SUPT3H: variants seen among roughly 807,000 people sequenced by gnomAD.
SUPT3H encodes transcription initiation protein SPT3 homolog.
In SUPT3H, 44 loss-of-function variants were observed where a neutral mutation model predicts 44.3. The observed-to-expected ratio is 0.99, with a 90% CI of 0.78 to 1.28. The LOEUF (loss-of-function observed/expected upper bound fraction) is 1.28. Among genes scored for constraint, SUPT3H ranks in the 50% most tolerant of loss-of-function variants. The pLI, the probability that SUPT3H is intolerant of heterozygous loss-of-function variation, is 0.00. For missense variants in SUPT3H, 380 were observed against 387.1 expected (o/e 0.98, Z 0.15); for synonymous variants, 124 against 125.6 (o/e 0.99, Z 0.09).
chr6:45,229,509 A>G (rs1767566017), intron 2 of SUPT3H, among the ~76,000 whole-genome samples: 1 of 152,196 alleles, frequency 6.6e-6, no homozygotes, highest in African/African-American at 2.4e-5. Context: ...CATTCCAGAC[A>G]TAGATGGTGT....
intron 3 of SUPT3H, among the ~76,000 whole-genome samples, chr6:45,094,857 T>C (rs1484439483): frequency 6.6e-6 from 1 of 152,036 alleles, no homozygotes; most frequent in Non-Finnish European, 1.5e-5. Flanking sequence ...CATTTTTACT[T>C]AAGAAGTAAA....
intron 2 of SUPT3H, among the ~76,000 whole-genome samples, chr6:45,269,302 C>T (rs916059458): frequency 1.3e-5 from 2 of 152,088 alleles, no homozygotes; most frequent in Non-Finnish European, 2.9e-5. Flanking sequence ...ACAAATAATA[C>T]CACATTCCTC....
At position 45,320,518 on chromosome 6, in the gene SUPT3H, A is replaced by G. The variant is rs541153735; in HGVS notation, c.101+44683T>C. Among the ~76,000 whole-genome samples, 6 of 151,444 alleles carry G rather than the reference A, an allele frequency of 4.0e-5. 1 individual carries two copies. In the East Asian group the frequency reaches 9.7e-4, roughly 25 times the overall value. The stretch of plus-strand genomic sequence containing the variant: ...GGTCTCGAACTCCTGGGGACAAGTG[A>G]TCCTCCCACCTCAGCCTCCCAAAAT... On this transcript the variant is annotated intron_variant, in intron 2 of 10. Transcript: ENST00000371459.
At chr6:45,349,124 G>T (rs990822864) in intron 2 of SUPT3H, among the ~76,000 whole-genome samples, 4 of 152,104 alleles carry the variant, frequency 2.6e-5, no homozygotes, top group East Asian at 1.9e-4. Context: ...TACAAATGGG[G>T]TATTTAAATT....
At chr6:45,287,879 C>G (rs555172377) in intron 2 of SUPT3H, among the ~76,000 whole-genome samples, 1 of 152,158 alleles carries the variant, frequency 6.6e-6, no homozygotes, top group South Asian at 2.1e-4. Flanking sequence ...CTTAAAGCAA[C>G]TTACCACACT....
At chr6:44,811,829 GTTCT>G (rs1161093194) in intron 11 of SUPT3H, among the ~76,000 whole-genome samples, 1 of 151,268 alleles carries the variant, frequency 6.6e-6, no homozygotes, top group Non-Finnish European at 1.5e-5. Flanking sequence ...GCACTTGGTT[GTTCT>G]TTGTTTCTCA....
At position 45,128,533 on chromosome 6, in the gene SUPT3H, A is replaced by AATATAT. The variant is rs1554257895; in HGVS notation, c.102-22533_102-22528dup. 6.1e-3 allele frequency among the ~76,000 whole-genome samples: 319 copies of AATATAT among 52,068 alleles called. 1 individual carries two copies. Among genetic ancestry groups the AATATAT allele is most frequent in the East Asian group, 8.8e-3 (8 of 908 alleles). The allele number at this position is 52,068 out of a possible 152,430, so 34.2% of individuals were successfully genotyped here. On this transcript the variant is annotated intron_variant, in intron 2 of 10. Transcript: ENST00000371459. The stretch of plus-strand genomic sequence containing the variant: ...AAAAAAAAAAAAAAAAAAAAAAAAA[A>AATATAT]ATATATATATATATATATATATATA...
Position 45,137,635 on chromosome 6 carries a change from C to T in SUPT3H, c.102-31629G>A, listed in dbSNP as rs571637508. On this transcript the variant is annotated intron_variant, in intron 2 of 10. Coordinates refer to ENST00000371459, the MANE Select transcript of SUPT3H (RefSeq NM_003599.4). The stretch of plus-strand genomic sequence containing the variant: ...AGTTGCAAATTTTAATTCCTAGAAC[C>T]ACAAAGAAATAATAATAATGAATGA... 2.5e-3 allele frequency among the ~76,000 whole-genome samples: 379 copies of T among 151,498 alleles called. 1 individual carries two copies. Among genetic ancestry groups the T allele is most frequent in the Non-Finnish European group, 4.0e-3 (274 of 67,764 alleles).
intron 3 of SUPT3H, among the ~76,000 whole-genome samples, chr6:45,060,022 A>T (rs953093835): frequency 6.6e-6 from 1 of 152,180 alleles, no homozygotes; most frequent in Non-Finnish European, 1.5e-5. Flanking sequence ...CATAGTACCC[A>T]AAGTAATTTA....
chr6:44,916,852 G>T (rs1326338191), intron 10 of SUPT3H, among the ~76,000 whole-genome samples: 1 of 152,062 alleles, frequency 6.6e-6, no homozygotes, highest in Non-Finnish European at 1.5e-5. Context: ...CTAATTTGGG[G>T]GCTAGGCACA....
chr6:44,950,994 C>G (rs1336335136), intron 9 of SUPT3H, among the ~76,000 whole-genome samples: 6 of 152,026 alleles, frequency 3.9e-5, no homozygotes, highest in African/African-American at 9.7e-5. Flanking sequence ...CTTCCTAACT[C>G]TAGCAGTCTA....
chr6:45,302,803 C>A (rs1311724152), intron 2 of SUPT3H, among the ~76,000 whole-genome samples: 3 of 152,082 alleles, frequency 2.0e-5, no homozygotes. Flanking sequence ...ACATTCCCAA[C>A]AGCAGTATAT....
intron 2 of SUPT3H, among the ~76,000 whole-genome samples, chr6:45,141,359 A>AAAAAG (rs1562538360): frequency 6.0e-5 from 9 of 149,988 alleles, no homozygotes; most frequent in African/African-American, 2.2e-4. Context: ...AAAAAAAAAA[A>AAAAAG]AAAAGAAAAG....
intron 10 of SUPT3H, among the ~76,000 whole-genome samples, chr6:44,870,314 C>T (rs968024687): frequency 9.9e-5 from 15 of 152,180 alleles, no homozygotes; most frequent in South Asian, 2.1e-4. Flanking sequence ...TTGTGTATGT[C>T]GGCCAGGCGT....
At chr6:44,906,757 G>A (rs547232434) in intron 10 of SUPT3H, among the ~76,000 whole-genome samples, 17 of 152,226 alleles carry the variant, frequency 1.1e-4, no homozygotes, top group Middle Eastern at 3.4e-3. Context: ...GTGAGACTCC[G>A]TCTCAAAAAA....
At chr6:45,145,161 A>G (rs1253139448) in intron 2 of SUPT3H, among the ~76,000 whole-genome samples, 1 of 152,136 alleles carries the variant, frequency 6.6e-6, no homozygotes, top group Non-Finnish European at 1.5e-5. Context: ...GATCTAGAAA[A>G]AACAATCCTA....
intron 6 of SUPT3H, among the ~76,000 whole-genome samples, chr6:44,998,335 TA>T (rs1217355780): frequency 2.0e-5 from 3 of 151,936 alleles, no homozygotes; most frequent in Non-Finnish European, 4.4e-5. Flanking sequence ...TCCTGATGAG[TA>T]AAAATTACAC....
chr6:44,822,409 A>G (rs1767389820), downstream of SUPT3H, among the ~76,000 whole-genome samples: 1 of 152,200 alleles, frequency 6.6e-6, no homozygotes, highest in Non-Finnish European at 1.5e-5. Context: ...TAAAAGGCTC[A>G]TTGTCTTTAC....
intron 10 of SUPT3H, among the ~76,000 whole-genome samples, chr6:44,907,952 C>G (rs1408926540): frequency 6.6e-6 from 1 of 151,948 alleles, no homozygotes; most frequent in Non-Finnish European, 1.5e-5. Context: ...GTGGCTCTGA[C>G]TATGGTAAAG....
Sources: gnomAD v4.1 joint callset for allele counts (sites outside exome capture counted in the v4.1 genomes callset) on GRCh38, gnomAD v4.1.1 for gene constraint, MANE v1.5 for transcripts, NCBI Gene and HGNC (gene_info 2026-07-23, HGNC 2026-07-21) for gene names.